RSPO2: variants seen among roughly 807,000 people sequenced by gnomAD.
The protein encoded by RSPO2 is R-spondin-2.
A neutral mutation model predicts 30.9 loss-of-function variants in RSPO2; 14 were observed. The observed-to-expected ratio is 0.45, with a 90% CI of 0.30 to 0.71. The LOEUF (loss-of-function observed/expected upper bound fraction) is 0.71, where lower values mean the gene tolerates loss of function less well. RSPO2 is among the 30% of genes least tolerant of loss of function. The pLI is 0.08. For synonymous variants in RSPO2, 107 were observed against 96.4 expected (o/e 1.11, Z -0.64); for missense variants, 264 against 301.9 (o/e 0.87, Z 0.93).
At chr8:107,987,386 T>C (rs547250884) in intron 3 of RSPO2, among the ~76,000 whole-genome samples, 1 of 152,284 alleles carries the variant, frequency 6.6e-6, no homozygotes, top group South Asian at 2.1e-4. Context: ...TACCAAGACT[T>C]CTTAGCCTAG....
chr8:107,974,913 T>C (rs1814158377), intron 3 of RSPO2, among the ~76,000 whole-genome samples: 1 of 152,084 alleles, frequency 6.6e-6, no homozygotes, highest in African/African-American at 2.4e-5. Context: ...CATACTCTCC[T>C]TTAAGAATTA....
chr8:107,926,675 T>G (rs986550762), intron 5 of RSPO2, among the ~76,000 whole-genome samples: 1 of 152,200 alleles, frequency 6.6e-6, no homozygotes, highest in Non-Finnish European at 1.5e-5. Context: ...TTGCTTGTTT[T>G]TCTCAGGTTT....
In RSPO2 at chr8:107,960,309, G is replaced by C. The variant is rs1813585140; in HGVS notation, c.427+365C>G. 2.0e-5 allele frequency among the ~76,000 whole-genome samples: 3 copies of C among 151,390 alleles called. No homozygotes were observed. The South Asian group carries it at 6.2e-4, about 32-fold the overall frequency. Reference sequence around the variant, plus strand: ...AGTTCTGTAATATCCACACATAGCAGGAGCAATAGAGTAGCTAGCTGATGT... The same window carrying C: ...AGTTCTGTAATATCCACACATAGCACGAGCAATAGAGTAGCTAGCTGATGT... On this transcript the variant is annotated intron_variant, in intron 4 of 5. Transcript: ENST00000276659.
chr8:107,991,298 G>T (rs1415623970), intron 2 of RSPO2, among the ~76,000 whole-genome samples: 1 of 147,940 alleles, frequency 6.8e-6, no homozygotes, highest in African/African-American at 2.6e-5. Context: ...ACACGCAATG[G>T]GGAAAAGATT....
chr8:108,051,537 C>T (rs374174159), intron 2 of RSPO2, among the ~76,000 whole-genome samples: 3 of 152,194 alleles, frequency 2.0e-5, no homozygotes, highest in East Asian at 3.9e-4. Context: ...AATAGCAATG[C>T]GTGAATGGTT....
At chr8:107,940,360 C>T (rs1264928982) in intron 5 of RSPO2, among the ~76,000 whole-genome samples, 2 of 152,108 alleles carry the variant, frequency 1.3e-5, no homozygotes, top group Non-Finnish European at 2.9e-5. Context: ...CTACAAAGTT[C>T]TAATCCTGTT....
chr8:107,986,071 C>T (rs553713588), intron 3 of RSPO2, among the ~76,000 whole-genome samples: 15 of 152,194 alleles, frequency 9.9e-5, no homozygotes, highest in East Asian at 1.9e-4. Context: ...TACTATTGAG[C>T]GATAATCTTT....
At chr8:108,060,687 C>T (rs1340240697) in intron 2 of RSPO2, among the ~76,000 whole-genome samples, 2 of 151,700 alleles carry the variant, frequency 1.3e-5, no homozygotes, top group African/African-American at 4.9e-5. Flanking sequence ...CAGAGAACGC[C>T]ACAAAGATAC....
At chr8:107,969,765 T>C (rs964229579) in intron 3 of RSPO2, among the ~76,000 whole-genome samples, 3 of 152,188 alleles carry the variant, frequency 2.0e-5, no homozygotes, top group African/African-American at 4.8e-5. Flanking sequence ...GTTTCAAAAA[T>C]TGTAAACCAA....
intron 2 of RSPO2, among the ~76,000 whole-genome samples, chr8:108,013,808 A>G (rs1432474092): frequency 6.6e-6 from 1 of 152,236 alleles, no homozygotes; most frequent in African/African-American, 2.4e-5. Flanking sequence ...CTTCATAACT[A>G]AAACACCAAA....
At chr8:107,951,974 G>T (rs182230722) in intron 5 of RSPO2, among the ~76,000 whole-genome samples, 36 of 152,212 alleles carry the variant, frequency 2.4e-4, no homozygotes, top group African/African-American at 8.2e-4. Context: ...CAGTCTGAAA[G>T]AAATCGTTCC....
chr8:108,022,249 G>T (rs185055028), intron 2 of RSPO2, among the ~76,000 whole-genome samples: 53 of 152,134 alleles, frequency 3.5e-4, no homozygotes, highest in African/African-American at 1.3e-3. Flanking sequence ...ATCTCATAAC[G>T]TCTTTCTCTT....
At chr8:108,058,906 C>T (rs983362819) in intron 2 of RSPO2, among the ~76,000 whole-genome samples, 2 of 151,604 alleles carry the variant, frequency 1.3e-5, no homozygotes, top group African/African-American at 4.9e-5. Context: ...TAGAAGAAAA[C>T]CTAGGCATTA....
intron 2 of RSPO2, among the ~76,000 whole-genome samples, chr8:108,079,872 C>T (rs529706564): frequency 6.6e-6 from 1 of 152,142 alleles, no homozygotes; most frequent in East Asian, 1.9e-4. Flanking sequence ...TGACACTATC[C>T]AAAACAAAGG....
chr8:107,901,643 G>C (rs911545815), intron 5 of RSPO2, among the ~76,000 whole-genome samples: 1 of 152,226 alleles, frequency 6.6e-6, no homozygotes, highest in Non-Finnish European at 1.5e-5. Flanking sequence ...GGGGGAAAAA[G>C]AGTCTTGCTT....
chr8:107,927,152 G>C (rs888420495), intron 5 of RSPO2, among the ~76,000 whole-genome samples: 4 of 152,066 alleles, frequency 2.6e-5, no homozygotes, highest in African/African-American at 4.8e-5. Flanking sequence ...TATTCTCTTT[G>C]AAGCAATTGT....
Position 107,925,322 on chromosome 8 carries a change from G to A in RSPO2, c.617-24132C>T, listed in dbSNP as rs1268596432. On this transcript the variant is annotated intron_variant, in intron 5 of 5. Transcript: ENST00000276659. The stretch of plus-strand genomic sequence containing the variant: ...GGAATAAGAAACAACTTTAAAAGAG[G>A]TGTAAAACAAACTGTGAGAAGTTAT... 7.2e-5 allele frequency among the ~76,000 whole-genome samples: 11 copies of A among 151,786 alleles called. No individual in the cohort carries two copies. In the South Asian group the frequency reaches 2.3e-3, roughly 32 times the overall value.
chr8:108,043,298 C>T (rs1036095434), intron 2 of RSPO2, among the ~76,000 whole-genome samples: 1 of 152,030 alleles, frequency 6.6e-6, no homozygotes, highest in Non-Finnish European at 1.5e-5. Flanking sequence ...CTTTAAAATC[C>T]TGCATGTTTT....
chr8:108,073,049 G>T (rs1449444383), intron 2 of RSPO2: 3 of 152,190 alleles, frequency 2.0e-5, no homozygotes, highest in African/African-American at 2.4e-5. Context: ...TAAATCTGTA[G>T]CTTTCACATC....
Sources: allele counts gnomAD v4.1 joint callset (sites outside exome capture counted in the v4.1 genomes callset), GRCh38; gene constraint gnomAD v4.1.1; transcripts MANE v1.5; gene names NCBI Gene and HGNC (gene_info 2026-07-23, HGNC 2026-07-21).